ZNF407: variants seen among roughly 807,000 people sequenced by gnomAD.
ZNF407 encodes zinc finger protein 407.
ZNF407 carries 17 observed loss-of-function variants against 131.2 expected under a neutral mutation model. The ratio of observed to expected loss-of-function variants is 0.13; its 90% CI spans 0.09 to 0.19. The LOEUF (loss-of-function observed/expected upper bound fraction) is 0.19, where lower values mean the gene tolerates loss of function less well. Ranked by LOEUF, ZNF407 falls within the 10% of genes least tolerant of loss-of-function variation. The pLI, the probability that ZNF407 is intolerant of heterozygous loss-of-function variation, is 1.00. For synonymous variants in ZNF407, 1,156 were observed against 1,062.0 expected (o/e 1.09, Z -1.72); for missense variants, 2,681 against 2,830.6 (o/e 0.95, Z 1.20).
intron 8 of ZNF407, among the ~76,000 whole-genome samples, chr18:75,003,278 T>C (rs1292609958): frequency 6.6e-6 from 1 of 152,224 alleles, no homozygotes; most frequent in Non-Finnish European, 1.5e-5. Flanking sequence ...CATGCACCAC[T>C]GTGACTCAGT....
At chr18:74,985,850 C>T (rs1054304572) in intron 8 of ZNF407, among the ~76,000 whole-genome samples, 2 of 152,192 alleles carry the variant, frequency 1.3e-5, no homozygotes, top group South Asian at 4.1e-4. Context: ...CACACTTTTT[C>T]CAGGCAGAGC....
intron 8 of ZNF407, among the ~76,000 whole-genome samples, chr18:75,006,240 T>G (rs1972908936): frequency 6.6e-6 from 1 of 152,232 alleles, no homozygotes; most frequent in African/African-American, 2.4e-5. Context: ...AATGACAGCT[T>G]TTAGATGTAT....
intron 4 of ZNF407, among the ~76,000 whole-genome samples, chr18:74,860,245 T>C (rs924658203): frequency 3.3e-5 from 5 of 151,846 alleles, no homozygotes; most frequent in Non-Finnish European, 5.9e-5. Flanking sequence ...TGCAGTGAGC[T>C]ATGATTACAC....
At chr18:74,842,173 C>G (rs1970642989) in intron 4 of ZNF407, among the ~76,000 whole-genome samples, 1 of 152,048 alleles carries the variant, frequency 6.6e-6, no homozygotes. Context: ...CTTTCAGATC[C>G]TAGCTTACCT....
In ZNF407 at chr18:74,668,700, G is replaced by A. The variant is rs150580529; in HGVS notation, c.4802+27578G>A. On this transcript the variant is annotated intron_variant, in intron 3 of 8. Coordinates refer to ENST00000299687, the MANE Select transcript of ZNF407 (RefSeq NM_017757.3). ...ATGAGATTTACAGTTGAAGTAGACA[G>A]TGTCATGCATGAATATTGGATCTTT... is the stretch of plus-strand genomic sequence containing the variant. 9.7e-4 allele frequency among the ~76,000 whole-genome samples: 148 copies of A among 152,304 alleles called. 1 individual carries two copies. Among genetic ancestry groups the A allele is most frequent in the Middle Eastern group, 3.4e-3 (1 of 294 alleles).
At chr18:74,847,038 T>A (rs1970713126) in intron 4 of ZNF407, among the ~76,000 whole-genome samples, 1 of 152,158 alleles carries the variant, frequency 6.6e-6, no homozygotes, top group South Asian at 2.1e-4. Context: ...TTTGCACTTT[T>A]GCTATTTGCT....
intron 3 of ZNF407, among the ~76,000 whole-genome samples, chr18:74,740,100 A>G (rs2144917357): frequency 6.6e-6 from 1 of 152,238 alleles, no homozygotes; most frequent in Non-Finnish European, 1.5e-5. Flanking sequence ...TCAGAAATCA[A>G]TGTGCCTCGG....
intron 8 of ZNF407, among the ~76,000 whole-genome samples, chr18:75,017,856 T>C (rs181790701): frequency 9.9e-5 from 15 of 152,160 alleles, no homozygotes; most frequent in Non-Finnish European, 1.8e-4. Flanking sequence ...TTACCTGTTT[T>C]CTATCTACAC....
intron 8 of ZNF407, among the ~76,000 whole-genome samples, chr18:74,975,750 G>A (rs1326442309): frequency 6.6e-6 from 1 of 152,078 alleles, no homozygotes; most frequent in Non-Finnish European, 1.5e-5. Flanking sequence ...CCTGCAAAAG[G>A]GGGTCTTTGG....
Position 74,907,124 on chromosome 18 carries a change from A to G in ZNF407, c.5250-13390A>G, listed in dbSNP as rs9956530. ...TTTTTTTAACTTAATAATGTATCCT[A>G]TTAGTCTTTCCATGTTCATAAGAGC... On this transcript the variant is annotated intron_variant, in intron 7 of 8. Transcript: ENST00000299687. Among the ~76,000 whole-genome samples, 1,129 of 152,272 alleles carry G rather than the reference A, an allele frequency of 7.4e-3. 13 individuals are homozygous for G. The highest frequency in any genetic ancestry group is 0.023 in the African/African-American group (960 of 41,556).
intron 8 of ZNF407, among the ~76,000 whole-genome samples, chr18:74,987,824 G>T (rs537456480): frequency 3.9e-5 from 6 of 152,270 alleles, no homozygotes; most frequent in African/African-American, 1.2e-4. Context: ...AGATAGTAGA[G>T]ATTCCACATT....
chr18:74,740,548 G>A (rs1177585623), intron 3 of ZNF407, among the ~76,000 whole-genome samples: 1 of 152,124 alleles, frequency 6.6e-6, no homozygotes, highest in Non-Finnish European at 1.5e-5. Context: ...GAAAGAAATT[G>A]CACCCACCCT....
intron 3 of ZNF407, among the ~76,000 whole-genome samples, chr18:74,772,970 A>G (rs1969392763): frequency 6.6e-6 from 1 of 152,228 alleles, no homozygotes; most frequent in Non-Finnish European, 1.5e-5. Flanking sequence ...GGTACAATTG[A>G]TAGAATTCAG....
intron 8 of ZNF407, among the ~76,000 whole-genome samples, chr18:75,033,422 G>A (rs1423213551): frequency 6.6e-5 from 10 of 152,110 alleles, no homozygotes; most frequent in Non-Finnish European, 1.2e-4. Flanking sequence ...TTACTGTATC[G>A]GTGCTTTTAT....
intron 8 of ZNF407, among the ~76,000 whole-genome samples, chr18:75,056,722 T>C (rs1973566306): frequency 6.6e-6 from 1 of 152,212 alleles, no homozygotes; most frequent in South Asian, 2.1e-4. Context: ...TCTGGAGCAA[T>C]TATTGAGATC....
At position 74,834,438 on chromosome 18, in the gene ZNF407, A is replaced by G. The variant is rs571259743; in HGVS notation, c.4878-42759A>G. Among the ~76,000 whole-genome samples the G allele has an allele frequency of 3.9e-5, 6 of 152,268 alleles. No homozygotes were observed. The South Asian group carries it at 1.2e-3, about 32-fold the overall frequency. On this transcript the variant is annotated intron_variant, in intron 4 of 8. Transcript: ENST00000299687. ...GCCACTCTCCTTAGAACCTGGTGGG[A>G]CAATTTAGTATAGACATCTTTGAGA...
At chr18:74,599,160 T>C (rs1385472566) in intron 1 of ZNF407, among the ~76,000 whole-genome samples, 1 of 152,212 alleles carries the variant, frequency 6.6e-6, no homozygotes, top group Non-Finnish European at 1.5e-5. Flanking sequence ...TACAGCAATC[T>C]TGTGTAGTAG....
chr18:74,663,717 G>A lies in ZNF407; in HGVS notation c.4802+22595G>A, dbSNP rs185960369. On this transcript the variant is annotated intron_variant, in intron 3 of 8. Transcript: ENST00000299687. ...TAAGAACTTCAGCTAATTAGAGACC[G>A]TACCAAGAAGGTGACAAGATGCTGG... Among the ~76,000 whole-genome samples the A allele has an allele frequency of 6.6e-5, 10 of 152,224 alleles. No homozygotes were observed. In the East Asian group the frequency reaches 1.2e-3, roughly 18 times the overall value.
intron 8 of ZNF407, among the ~76,000 whole-genome samples, chr18:75,011,241 G>A (rs1297657065): frequency 2.0e-5 from 3 of 152,096 alleles, no homozygotes; most frequent in Non-Finnish European, 2.9e-5. Flanking sequence ...TCAGATACCT[G>A]CAAATCACTG....
Sources: gnomAD v4.1 joint callset for allele counts (sites outside exome capture counted in the v4.1 genomes callset) on GRCh38, gnomAD v4.1.1 for gene constraint, MANE v1.5 for transcripts, NCBI Gene and HGNC (gene_info 2026-07-23, HGNC 2026-07-21) for gene names.